Variants in CTXND1 observed in about 807,000 individuals in gnomAD.
CTXND1 encodes the protein cortexin domain containing 1.
intron 1 of CTXND1, among the ~76,000 whole-genome samples, chr15:80,240,920 C>T (rs1027697480): frequency 6.6e-6 from 1 of 152,200 alleles, no homozygotes; most frequent in African/African-American, 2.4e-5. Flanking sequence ...CCTTTTCATC[C>T]TGCTCTGTGC....
At position 80,252,110 on chromosome 15, in the gene CTXND1, G is replaced by A. The variant is rs62006357; in HGVS notation, c.-321C>T. On this transcript the variant is annotated 5_prime_UTR_variant, in exon 1 of 3. Transcript: ENST00000560778. ...TACGGCGTTTCCCGGTGACGGGGGC[G>A]CGGGCTCGCGGGGCGCGGGGGGCGC... 0.32 allele frequency: 48,211 copies of A among 151,380 alleles called. 8,207 individuals are homozygous for A. Among genetic ancestry groups the A allele is most frequent in the East Asian group, 0.49 (2,469 of 5,076 alleles). 9.4% of individuals were successfully genotyped at this position (151,380 alleles called of 1,614,324 possible).
At chr15:80,237,858 A>T (rs1327285695) in intron 1 of CTXND1, among the ~76,000 whole-genome samples, 2 of 151,952 alleles carry the variant, frequency 1.3e-5, no homozygotes, top group African/African-American at 4.8e-5. Flanking sequence ...AAAATACAAA[A>T]ATTAGCTGGA....
rs138245121 is a variant in CTXND1, at chr15:80,245,157, G to A, written c.-218+6850C>T. ...CGTAAGACTAACACCAGCGGCTATC[G>A]TGATCATGCAATCCCTCTATGGGCA... On this transcript the variant is annotated intron_variant, in intron 1 of 2. Transcript: ENST00000560778. Among the ~76,000 whole-genome samples the A allele has an allele frequency of 6.3e-3, 959 of 152,236 alleles. 11 individuals are homozygous for A. The highest frequency in any genetic ancestry group is 0.021 in the African/African-American group (873 of 41,534).
chr15:80,247,868 C>A (rs1395258458), intron 1 of CTXND1, among the ~76,000 whole-genome samples: 1 of 152,128 alleles, frequency 6.6e-6, no homozygotes, highest in African/African-American at 2.4e-5. Context: ...TGACTATCAC[C>A]GCACAATTCT....
Position 80,214,025 on chromosome 15 carries a change from T to A in CTXND1, c.-217-10285A>T, listed in dbSNP as rs564266413. ...AAACTGGTAAGGCAATAACCTACTG[T>A]GTTTATATAGGTATAAAACAATATA... is the stretch of plus-strand genomic sequence containing the variant. On this transcript the variant is annotated intron_variant, in intron 1 of 2. Transcript: ENST00000560778. 2.0e-3 allele frequency among the ~76,000 whole-genome samples: 309 copies of A among 152,264 alleles called. 2 individuals carry two copies. The highest frequency in any genetic ancestry group is 3.7e-3 in the Non-Finnish European group (249 of 68,014).
intron 2 of CTXND1, among the ~76,000 whole-genome samples, chr15:80,203,059 G>T (rs1176628351): frequency 6.6e-6 from 1 of 152,208 alleles, no homozygotes; most frequent in Non-Finnish European, 1.5e-5. Context: ...ACAGTCCCTG[G>T]CTCCAGTGGA....
chr15:80,215,853 G>C (rs1231377983), intron 1 of CTXND1, among the ~76,000 whole-genome samples: 2 of 152,092 alleles, frequency 1.3e-5, no homozygotes, highest in Non-Finnish European at 2.9e-5. Context: ...CGTTGCTTAG[G>C]GGAGACTGGG....
At chr15:80,217,261 G>A (rs1371870713) in intron 1 of CTXND1, among the ~76,000 whole-genome samples, 2 of 152,126 alleles carry the variant, frequency 1.3e-5, no homozygotes, top group African/African-American at 4.8e-5. Flanking sequence ...TCCCACATGA[G>A]TTTGCTTCTT....
In CTXND1 at chr15:80,199,450, G is replaced by A. The variant is rs1405733864; in HGVS notation, c.*2320C>T. ...AGACCTTTTCTTTTTCCTGGGGTCT[G>A]TTATTAGCTGACTGGGAGTTGGTTC... is the stretch of plus-strand genomic sequence containing the variant. On this transcript the variant is annotated 3_prime_UTR_variant, in exon 3 of 3. Coordinates refer to ENST00000560778, the MANE Select transcript of CTXND1 (RefSeq NM_001352888.2). 1 of 152,232 alleles carries A rather than the reference G, an allele frequency of 6.6e-6. No individual in the cohort carries two copies. Among genetic ancestry groups the A allele is most frequent in the Non-Finnish European group, 1.5e-5 (1 of 68,072 alleles). 9.4% of individuals were successfully genotyped at this position (152,232 alleles called of 1,614,324 possible). A position where few individuals can be genotyped will look rare whatever the true frequency, so the allele number is the denominator to read the frequency against.
chr15:80,242,338 G>C lies in CTXND1; in HGVS notation c.-218+9669C>G, dbSNP rs138475280. Reference sequence around the variant, plus strand: ...TCTCCTGGCCCGCAAGGGGGCTCCTGTGAGCCCGGGCAAGAAGTTAAACAA... The same window carrying C: ...TCTCCTGGCCCGCAAGGGGGCTCCTCTGAGCCCGGGCAAGAAGTTAAACAA... On this transcript the variant is annotated intron_variant, in intron 1 of 2. Coordinates refer to ENST00000560778, the MANE Select transcript of CTXND1 (RefSeq NM_001352888.2). Among the ~76,000 whole-genome samples, 248 of 152,380 alleles carry C rather than the reference G, an allele frequency of 1.6e-3. 1 individual carries two copies. Among genetic ancestry groups the C allele is most frequent in the Middle Eastern group, 0.01 (3 of 294 alleles).
intron 1 of CTXND1, among the ~76,000 whole-genome samples, chr15:80,224,444 C>T (rs1209382320): frequency 2.6e-5 from 4 of 152,224 alleles, no homozygotes; most frequent in Non-Finnish European, 4.4e-5. Flanking sequence ...TTTTCAACAA[C>T]ACCACACTTT....
chr15:80,209,530 C>T (rs1893183056), intron 1 of CTXND1, among the ~76,000 whole-genome samples: 1 of 152,216 alleles, frequency 6.6e-6, no homozygotes, highest in Non-Finnish European at 1.5e-5. Context: ...GAGTGACCCT[C>T]AAAGAAAGTG....
At chr15:80,208,284 A>C (rs892412170) in intron 1 of CTXND1, among the ~76,000 whole-genome samples, 1 of 152,242 alleles carries the variant, frequency 6.6e-6, no homozygotes, top group Non-Finnish European at 1.5e-5. Flanking sequence ...CATACACACA[A>C]TAGAGGGCTA....
At chr15:80,234,703 C>G (rs1893472865) in intron 1 of CTXND1, among the ~76,000 whole-genome samples, 1 of 152,166 alleles carries the variant, frequency 6.6e-6, no homozygotes, top group Admixed American at 6.5e-5. Flanking sequence ...GTCTCGAACT[C>G]CTGACCACAG....
At chr15:80,248,214 C>T (rs921600152) in intron 1 of CTXND1, among the ~76,000 whole-genome samples, 2 of 152,170 alleles carry the variant, frequency 1.3e-5, no homozygotes, top group South Asian at 4.1e-4. Flanking sequence ...CCTGGTCGTA[C>T]AAGTCATACC....
At chr15:80,204,647 G>GTGTATATATATATA (rs1399579470) in intron 1 of CTXND1, among the ~76,000 whole-genome samples, 4 of 131,342 alleles carry the variant, frequency 3.0e-5, no homozygotes, top group South Asian at 2.6e-4. Flanking sequence ...ATATTCCATT[G>GTGTATATATATATA]TATATATATA....
chr15:80,207,291 GT>G (rs58562286), intron 1 of CTXND1, among the ~76,000 whole-genome samples: 1,685 of 146,516 alleles, frequency 0.012, 21 homozygotes, highest in East Asian at 0.037. Flanking sequence ...CTTTTTTCCT[GT>G]TTTTTTTTTC....
chr15:80,243,913 T>G (rs899075950), intron 1 of CTXND1, among the ~76,000 whole-genome samples: 9 of 152,204 alleles, frequency 5.9e-5, no homozygotes, highest in Non-Finnish European at 2.9e-5. Context: ...TGTTAACAGC[T>G]CCTGGGAGGA....
chr15:80,226,430 G>T (rs887195598), intron 1 of CTXND1, among the ~76,000 whole-genome samples: 2 of 152,174 alleles, frequency 1.3e-5, no homozygotes, highest in Admixed American at 6.5e-5. Context: ...AGTATCTGCT[G>T]TAACGGCCCC....
Sources: gnomAD v4.1 joint callset for allele counts (sites outside exome capture counted in the v4.1 genomes callset) on GRCh38, gnomAD v4.1.1 for gene constraint, MANE v1.5 for transcripts, NCBI Gene and HGNC (gene_info 2026-07-23, HGNC 2026-07-21) for gene names.